MEGF10: variants seen among roughly 807,000 people sequenced by gnomAD.
MEGF10 encodes multiple epidermal growth factor-like domains protein 10.
A neutral mutation model predicts 147.5 loss-of-function variants in MEGF10; 86 were observed. The observed-to-expected ratio is 0.58, with a 90% CI of 0.49 to 0.70. The LOEUF (loss-of-function observed/expected upper bound fraction) is 0.70. Ranked by LOEUF, MEGF10 falls within the 30% of genes least tolerant of loss-of-function variation. The pLI, the probability that MEGF10 is intolerant of heterozygous loss-of-function variation, is 0.00. For synonymous variants in MEGF10, 478 were observed against 525.5 expected, an observed-to-expected ratio of 0.91 and a Z score of 1.24; for missense variants, 1,329 against 1,487.3, an observed-to-expected ratio of 0.89 and a Z score of 1.75.
At chr5:127,266,657 C>T in the MEGF10 span, among the ~76,000 whole-genome samples, 367 of 152,162 alleles carry the variant, frequency 2.4e-3, 3 homozygotes, top group Middle Eastern at 0.02. Context: ...AGTTGGATTC[C>T]TAGGTATTTT....
intron 12 of MEGF10, among the ~76,000 whole-genome samples, chr5:127,421,924 G>T (rs1765020962): frequency 6.9e-6 from 1 of 144,536 alleles, no homozygotes; most frequent in South Asian, 2.2e-4. Flanking sequence ...GGGAGGCAGA[G>T]CTTGCAGTGA....
intron 11 of MEGF10, 35 bp from the exon 12 acceptor site, chr5:127,420,009 G>T: frequency 1.2e-6 from 2 of 1,607,492 alleles, no homozygotes; most frequent in Non-Finnish European, 1.7e-6. Context: ...TGCTGCCTTT[G>T]TTCGCTCACG....
chr5:127,334,472 C>T (rs1220315973), intron 2 of MEGF10, among the ~76,000 whole-genome samples: 1 of 152,122 alleles, frequency 6.6e-6, no homozygotes, highest in Non-Finnish European at 1.5e-5. Flanking sequence ...ATACTTCCAT[C>T]AATGGCTTCT....
At chr5:127,391,084 A>ATGTGCGCGCGTGCG (rs146867870) in intron 5 of MEGF10, among the ~76,000 whole-genome samples, 1 of 93,542 alleles carries the variant, frequency 1.1e-5, no homozygotes, top group African/African-American at 3.2e-5. Flanking sequence ...ATACATACAC[A>ATGTGCGCGCGTGCG]CATGCGCGCG....
At chr5:127,452,063 A>G (rs1766173562) in intron 22 of MEGF10, among the ~76,000 whole-genome samples, 1 of 152,200 alleles carries the variant, frequency 6.6e-6, no homozygotes, top group Admixed American at 6.5e-5. Flanking sequence ...TAAACCAAGC[A>G]TTTGAAAGCC....
At chr5:127,389,688 C>T (rs1161962589) in intron 5 of MEGF10, among the ~76,000 whole-genome samples, 1 of 152,126 alleles carries the variant, frequency 6.6e-6, no homozygotes, top group Non-Finnish European at 1.5e-5. Flanking sequence ...CAAAATACTG[C>T]ATGTTCTCAT....
Position 127,339,107 on chromosome 5 carries a change from C to G in MEGF10, c.117-13C>G, listed in dbSNP as rs965709177. ...GAGAAATACTGATTTCTTATTTTTC[C>G]ATTTCTTTTCAGCTACTCAGTGACT... On this transcript the variant is annotated splice_polypyrimidine_tract_variant and intron_variant, in intron 2 of 24. Coordinates refer to ENST00000503335, the MANE Select transcript of MEGF10 (RefSeq NM_001256545.2). The G allele has an allele frequency of 6.6e-7, 1 of 1,519,752 alleles. No individual in the cohort carries two copies. 94.1% of individuals were successfully genotyped at this position (1,519,752 alleles called of 1,614,324 possible).
At chr5:127,339,839 C>T (rs191178205) in intron 3 of MEGF10, among the ~76,000 whole-genome samples, 34 of 152,260 alleles carry the variant, frequency 2.2e-4, no homozygotes, top group African/African-American at 7.9e-4. Context: ...CTGGCCTTGG[C>T]CACTCTGTGT....
At chr5:127,446,039 A>G (rs1161050986) in intron 20 of MEGF10, among the ~76,000 whole-genome samples, 2 of 152,140 alleles carry the variant, frequency 1.3e-5, no homozygotes, top group African/African-American at 4.8e-5. Context: ...TACCAAGGTC[A>G]TGGATCAGAT....
Position 127,443,059 on chromosome 5 carries a change from C to T in MEGF10, c.2424C>T (p.Ser808=), listed in dbSNP as rs1765815351. Residue 808 remains serine, a synonymous_variant, in exon 19 of 25, where the codon TCC becomes TCT. Coordinates refer to ENST00000503335, the MANE Select transcript of MEGF10 (RefSeq NM_001256545.2). ...CRQICDCLNN[S]TCDHITGTCY... is the part of the protein sequence containing the mutation. ...AGATATGTGATTGTCTGAACAACTC[C>T]ACCTGCGACCACATCACTGGGACCT... 4 of 1,613,844 alleles carry T rather than the reference C, an allele frequency of 2.5e-6. No individual in the cohort carries two copies. The highest frequency in any genetic ancestry group is 3.4e-6 in the Non-Finnish European group (4 of 1,179,776).
chr5:127,454,516 T>C, intron 22 of MEGF10, 50 bp from the exon 23 acceptor site: 1 of 1,553,494 alleles, frequency 6.4e-7, no homozygotes, highest in Non-Finnish European at 8.7e-7. Flanking sequence ...GGATGGGGTT[T>C]TTCTTCCTTT....
chr5:127,346,467 A>G (rs1023619799), intron 4 of MEGF10, among the ~76,000 whole-genome samples: 6 of 152,120 alleles, frequency 3.9e-5, no homozygotes, highest in Non-Finnish European at 5.9e-5. Flanking sequence ...AGTGCTGTTG[A>G]GCATTTTTTC....
rs377049969 is a variant in MEGF10 at position 127,391,328 on chromosome 5, C to T, written c.413-5204C>T. Reference sequence around the variant, plus strand: ...CAGCAGCTCATTCCTGTAATACCAGCACTTTGGGATGCCAAGGTGCGCAGA... The same window carrying T: ...CAGCAGCTCATTCCTGTAATACCAGTACTTTGGGATGCCAAGGTGCGCAGA... On this transcript the variant is annotated intron_variant, in intron 5 of 24. Transcript: ENST00000503335. 1.7e-3 allele frequency among the ~76,000 whole-genome samples: 263 copies of T among 152,084 alleles called. 8 individuals are homozygous for T. In the South Asian group the frequency reaches 0.052, roughly 30 times the overall value.
At chr5:127,334,527 A>C (rs1335071149) in intron 2 of MEGF10, among the ~76,000 whole-genome samples, 1 of 152,150 alleles carries the variant, frequency 6.6e-6, no homozygotes, top group East Asian at 1.9e-4. Context: ...TGAAATAGAG[A>C]TGTGCCTTGT....
At chr5:127,371,249 T>C (rs1762840380) in intron 5 of MEGF10, among the ~76,000 whole-genome samples, 1 of 127,400 alleles carries the variant, frequency 7.8e-6, no homozygotes, top group African/African-American at 2.9e-5. Context: ...GTGTGTGTCT[T>C]TCTGCCCCTG....
At chr5:127,430,005 T>G (rs946083294) in intron 13 of MEGF10, among the ~76,000 whole-genome samples, 1 of 152,164 alleles carries the variant, frequency 6.6e-6, no homozygotes, top group Non-Finnish European at 1.5e-5. Flanking sequence ...GAGTTTTAGC[T>G]GTACCCAACA....
At chr5:127,341,736 G>A (rs185096795) in intron 4 of MEGF10, among the ~76,000 whole-genome samples, 25 of 152,160 alleles carry the variant, frequency 1.6e-4, no homozygotes, top group East Asian at 5.8e-4. Flanking sequence ...ATAAAAATAC[G>A]TTGTGAATAT....
chr5:127,302,001 A>G (rs190584313), intron 1 of MEGF10, among the ~76,000 whole-genome samples: 9 of 152,356 alleles, frequency 5.9e-5, no homozygotes, highest in Middle Eastern at 3.4e-3. Flanking sequence ...AAATTTACTT[A>G]TAAGCATAAA....
chr5:127,277,334 G>A, the MEGF10 span, among the ~76,000 whole-genome samples: 1 of 152,162 alleles, frequency 6.6e-6, no homozygotes, highest in Admixed American at 6.5e-5. Flanking sequence ...TAGGAGTTGG[G>A]TGCTCTTGCC....
Sources: gnomAD v4.1 joint callset for allele counts (sites outside exome capture counted in the v4.1 genomes callset) on GRCh38, gnomAD v4.1.1 for gene constraint, MANE v1.5 for transcripts, NCBI Gene and HGNC (gene_info 2026-07-23, HGNC 2026-07-21) for gene names.